Variants in THSD1 observed in about 807,000 individuals in gnomAD.
THSD1 encodes thrombospondin type 1 domain containing 1, also known as thrombospondin type-1 domain-containing protein 1.
THSD1 carries 34 observed loss-of-function variants against 46.3 expected under a neutral mutation model. That is an observed-to-expected ratio of 0.74 (90% CI 0.56 to 0.98). The LOEUF is 0.98. Ranked by LOEUF, THSD1 falls within the 50% of genes least tolerant of loss-of-function variation. The pLI is 0.00. For missense variants in THSD1, 1,023 were observed against 1,058.3 expected (o/e 0.97, Z 0.46); for synonymous variants, 407 against 416.5 (o/e 0.98, Z 0.28).
chr13:52,382,125 C>G (rs1227650114), intron 4 of THSD1, among the ~76,000 whole-genome samples: 2 of 152,248 alleles, frequency 1.3e-5, no homozygotes, highest in African/African-American at 4.8e-5. Flanking sequence ...CCTGGCTCCA[C>G]TAGCTCTACT....
At chr13:52,390,507 C>G (rs186117568) in intron 3 of THSD1, among the ~76,000 whole-genome samples, 4 of 152,260 alleles carry the variant, frequency 2.6e-5, no homozygotes, top group Admixed American at 2.6e-4. Flanking sequence ...TCCAAGTGAA[C>G]ACAATATTGG....
chr13:52,383,988 A>C (rs1010652352), intron 4 of THSD1: 3 of 204,406 alleles, frequency 1.5e-5, no homozygotes, highest in Non-Finnish European at 3.0e-5. Context: ...GGATCACCTG[A>C]GGTCGGGAGT....
rs886066374 is a variant in THSD1, at chr13:52,397,139, T to C, written c.1021+93A>G. On this transcript the variant is annotated intron_variant, in intron 3 of 4. Transcript: ENST00000258613. ...TATAAGGCATGAACCATAAAAATGATGGTACAATTCACCTAAATTTCACCT... is the reference window on the plus strand; with the variant it reads ...TATAAGGCATGAACCATAAAAATGACGGTACAATTCACCTAAATTTCACCT... 3.6e-6 allele frequency: 4 copies of C among 1,112,748 alleles called. No individual in the cohort carries two copies. The African/African-American group carries it at 6.3e-5, about 17-fold the overall frequency. 68.9% of individuals were successfully genotyped at this position (1,112,748 alleles called of 1,614,324 possible).
At chr13:52,391,716 G>A (rs1178434790) in intron 3 of THSD1, among the ~76,000 whole-genome samples, 1 of 151,444 alleles carries the variant, frequency 6.6e-6, no homozygotes, top group Non-Finnish European at 1.5e-5. Context: ...GCTAATTTTT[G>A]TATATTTGGT....
At chr13:52,393,260 T>C (rs570330315) in intron 3 of THSD1, among the ~76,000 whole-genome samples, 1 of 152,270 alleles carries the variant, frequency 6.6e-6, no homozygotes, top group Non-Finnish European at 1.5e-5. Flanking sequence ...TGGGTTAATA[T>C]CCATAAAACA....
intron 3 of THSD1, among the ~76,000 whole-genome samples, chr13:52,392,141 G>A (rs1282945186): frequency 4.8e-5 from 7 of 145,088 alleles, no homozygotes; most frequent in African/African-American, 5.1e-5. Flanking sequence ...GCGGTGAGCC[G>A]AGATCGCGCC....
chr13:52,378,188 C>G lies in THSD1; in HGVS notation c.1782G>C (p.Gln594His). Residue 594 changes from glutamine to histidine, a missense_variant, in exon 5 of 5, where the codon CAG (glutamine) becomes CAC (histidine). Coordinates refer to ENST00000258613, the MANE Select transcript of THSD1 (RefSeq NM_018676.4). ...KFRIKSPFPE[Q>H]PAVSAGERPP... ...GCCTTTCCCCGGCACTGACCGCGGG[C>G]TGCTCCGGAAATGGGGATTTGATCC... 2 of 1,614,224 alleles carry G rather than the reference C, an allele frequency of 1.2e-6. No individual in the cohort carries two copies. Among genetic ancestry groups the G allele is most frequent in the Non-Finnish European group, 1.7e-6 (2 of 1,180,050 alleles).
chr13:52,398,478 GCAATCCTTCCACCTCAGACTCTCAAA>G, intron 2 of THSD1: 1 of 908,926 alleles, frequency 1.1e-6, no homozygotes, highest in Non-Finnish European at 1.3e-6. Context: ...TTGGGCTCAA[GCAATCCTTCCACCTCAGACTCTCAAA>G]CTGCTAAGAT....
Position 52,378,538 on chromosome 13 carries a change from A to C in THSD1, c.1432T>G (p.Phe478Val). ...GTGGGCCCGTCTCCCCCATCCGAGA[A>C]GCTCCCGCGCTGCTCGCTCAGCTCG... is the stretch of plus-strand genomic sequence containing the variant. ...ICELSEQRGS[F>V]SDGGDGPTGS... The change falls in exon 5 of 5, where the codon TTC becomes GTC. Residue 478 changes from phenylalanine (F) to valine (V), a missense_variant. Coordinates refer to ENST00000258613, the MANE Select transcript of THSD1 (RefSeq NM_018676.4). 6.2e-7 allele frequency: 1 copy of C among 1,614,052 alleles called. No homozygotes were observed. Among genetic ancestry groups the C allele is most frequent in the African/African-American group, 1.3e-5 (1 of 75,008 alleles).
At chr13:52,379,541 G>A (rs1292134293) in intron 4 of THSD1, among the ~76,000 whole-genome samples, 1 of 151,720 alleles carries the variant, frequency 6.6e-6, no homozygotes, top group Non-Finnish European at 1.5e-5. Flanking sequence ...GCACGATCTC[G>A]GCTCACTGCA....
At chr13:52,404,513 A>T (rs1452809666) in intron 1 of THSD1, among the ~76,000 whole-genome samples, 1 of 152,166 alleles carries the variant, frequency 6.6e-6, no homozygotes, top group East Asian at 1.9e-4. Flanking sequence ...CCCCACCCAA[A>T]AAAAAGAAAA....
intron 1 of THSD1, 39 bp from the exon 2 acceptor site, chr13:52,402,720 T>C (rs1957874576): frequency 6.8e-7 from 1 of 1,476,028 alleles, no homozygotes; most frequent in Non-Finnish European, 9.0e-7. Flanking sequence ...CTCCGTTCAA[T>C]GTGATTGATA....
At chr13:52,404,104 C>CGCTTG (rs1363272365) in intron 1 of THSD1, among the ~76,000 whole-genome samples, 1 of 151,834 alleles carries the variant, frequency 6.6e-6, no homozygotes, top group East Asian at 1.9e-4. Context: ...TGCACCACCA[C>CGCTTG]GCTTGGCTAA....
chr13:52,397,536 T>C lies in THSD1; in HGVS notation c.717A>G (p.Lys239=), dbSNP rs779275956. 1.2e-6 allele frequency: 2 copies of C among 1,613,984 alleles called. No homozygotes were observed. Among genetic ancestry groups the C allele is most frequent in the Non-Finnish European group, 1.7e-6 (2 of 1,180,028 alleles). Residue 239 remains lysine (K), a synonymous_variant, in exon 3 of 5, where the codon AAA becomes AAG. Coordinates refer to ENST00000258613, the MANE Select transcript of THSD1 (RefSeq NM_018676.4). ...TSTGPIDLAQ[K]FGYKLVMVPE... ...GCACCATCACCAGTTTGTATCCAAA[T>C]TTCTGGGCCAGGTCAATGGGTCCTG...
chr13:52,390,189 T>C (rs954937925), intron 3 of THSD1, among the ~76,000 whole-genome samples: 3 of 151,338 alleles, frequency 2.0e-5, no homozygotes, highest in Non-Finnish European at 4.4e-5. Flanking sequence ...TCAGTACCCA[T>C]CCAACCCCAA....
At chr13:52,380,651 T>C (rs1312034883) in intron 4 of THSD1, among the ~76,000 whole-genome samples, 1 of 152,090 alleles carries the variant, frequency 6.6e-6, no homozygotes, top group Non-Finnish European at 1.5e-5. Context: ...GGTTTCACCA[T>C]GTTAGCCAGG....
At chr13:52,388,825 G>A (rs1416937322) in intron 3 of THSD1, among the ~76,000 whole-genome samples, 2 of 152,078 alleles carry the variant, frequency 1.3e-5, no homozygotes, top group African/African-American at 2.4e-5. Context: ...TTATGACAAC[G>A]ATCACACAAA....
chr13:52,382,283 A>G (rs544697592), intron 4 of THSD1, among the ~76,000 whole-genome samples: 1 of 152,280 alleles, frequency 6.6e-6, no homozygotes, highest in East Asian at 1.9e-4. Flanking sequence ...CCTGGGTTTC[A>G]TCCTTCATGC....
intron 2 of THSD1, chr13:52,398,650 G>A: frequency 1.0e-6 from 1 of 962,768 alleles, no homozygotes; most frequent in Non-Finnish European, 1.2e-6. Flanking sequence ...CATGGAAGTG[G>A]TTCTGTTCCT....
Sources: allele counts gnomAD v4.1 joint callset (sites outside exome capture counted in the v4.1 genomes callset), GRCh38; gene constraint gnomAD v4.1.1; transcripts MANE v1.5; gene names NCBI Gene and HGNC (gene_info 2026-07-23, HGNC 2026-07-21).